PFKP: variants seen among roughly 807,000 people sequenced by gnomAD.
PFKP encodes phosphofructokinase, platelet, also known as ATP-dependent 6-phosphofructokinase, platelet type.
Under a neutral mutation model 94.3 loss-of-function variants are expected in PFKP, and 101 were observed. That is an observed-to-expected ratio of 1.07 (90% CI 0.91 to 1.26). PFKP has a LOEUF of 1.26. PFKP is among the 50% of genes most tolerant of loss of function. PFKP has a pLI of 0.00. For synonymous variants in PFKP, 573 were observed against 432.6 expected (o/e 1.32, Z -4.03); for missense variants, 1,145 against 1,103.3 (o/e 1.04, Z -0.53).
At chr10:3,072,279 T>G (rs993880145) in intron 1 of PFKP, among the ~76,000 whole-genome samples, 3 of 152,256 alleles carry the variant, frequency 2.0e-5, no homozygotes, top group African/African-American at 4.8e-5. Context: ...TTCCATTGGC[T>G]GGACGTGCAT....
chr10:3,110,911 T>C (rs1383224918), intron 10 of PFKP, among the ~76,000 whole-genome samples: 1 of 151,848 alleles, frequency 6.6e-6, no homozygotes, highest in Non-Finnish European at 1.5e-5. Context: ...TGTGCATGCA[T>C]GTTTGTACGT....
chr10:3,136,313 T>C, intron 21 of PFKP, 137 bp from the exon 22 acceptor site: 3 of 742,594 alleles, frequency 4.0e-6, no homozygotes, highest in East Asian at 5.4e-5. Flanking sequence ...ATCCTGAAAT[T>C]GGCTTTATCA....
At chr10:3,071,851 G>A (rs1219809437) in intron 1 of PFKP, among the ~76,000 whole-genome samples, 3 of 152,220 alleles carry the variant, frequency 2.0e-5, no homozygotes, top group Non-Finnish European at 4.4e-5. Flanking sequence ...TCTTTGTTAT[G>A]TGGCAGGGCC....
At position 3,113,163 on chromosome 10, in the gene PFKP, A is replaced by T. The variant is rs758254884; in HGVS notation, c.1199A>T (p.Lys400Met). 7 of 1,612,942 alleles carry T rather than the reference A, an allele frequency of 4.3e-6. No homozygotes were observed. Among genetic ancestry groups the T allele is most frequent in the Non-Finnish European group, 5.9e-6 (7 of 1,179,568 alleles). The change falls in exon 12 of 22, where the codon AAG becomes ATG. Residue 400 changes from lysine (K) to methionine (M), a missense_variant. Around this residue, in one of 3 missense-constraint regions of PFKP, gnomAD observed 1,119 missense variants for 1,062.8 expected, o/e 1.05. Transcript: ENST00000381125. ...NLNTYKRLAI[K>M]LPDDQIPKTN... ...AACACCTACAAGCGACTTGCCATCA[A>T]GCTGCCGGATGATCAGATCCCAAAG...
chr10:3,088,497 C>A (rs1833802686), intron 2 of PFKP, among the ~76,000 whole-genome samples: 2 of 152,148 alleles, frequency 1.3e-5, no homozygotes, highest in African/African-American at 4.8e-5. Flanking sequence ...CCCCGGCTGA[C>A]CTGGAGCGCG....
chr10:3,105,122 A>AG lies in PFKP; in HGVS notation c.630dup (p.Thr211AspfsTer63). 6.2e-7 allele frequency: 1 copy of AG among 1,613,648 alleles called. No homozygotes were observed. Among genetic ancestry groups the AG allele is most frequent in the Non-Finnish European group, 8.5e-7 (1 of 1,179,896 alleles). On this transcript the variant is annotated frameshift_variant, in exon 6 of 22. Transcript: ENST00000381125. LOFTEE classifies it high-confidence loss of function. ...CCTCTGTTTCTCTTCCAGCCACCAG[A>AG]GGACCTTCGTTCTGGAGGTGATGGG...
chr10:3,115,374 G>A (rs373413473), intron 13 of PFKP, among the ~76,000 whole-genome samples: 17,097 of 64,216 alleles, frequency 0.27, 4,516 homozygotes, highest in East Asian at 0.58. Flanking sequence ...TGTGTGTCCC[G>A]CAGCTGAGAA....
intron 16 of PFKP, chr10:3,129,514 G>GGGTC: frequency 2.6e-6 from 1 of 378,838 alleles, no homozygotes; most frequent in Non-Finnish European, 4.8e-6. Flanking sequence ...CTGGCTTGTG[G>GGGTC]GGTCGTCTTT....
chr10:3,094,762 C>A (rs1358737683), intron 2 of PFKP, among the ~76,000 whole-genome samples: 1 of 152,172 alleles, frequency 6.6e-6, no homozygotes, highest in Admixed American at 6.5e-5. Flanking sequence ...CAGAGCTGAC[C>A]TCTGCATGCA....
intron 2 of PFKP, among the ~76,000 whole-genome samples, chr10:3,096,826 C>G (rs1157354967): frequency 6.8e-6 from 1 of 147,642 alleles, no homozygotes; most frequent in Non-Finnish European, 1.5e-5. Flanking sequence ...TGCCTGTAAT[C>G]CCAGCACTTT....
chr10:3,133,735 C>A (rs1239770891), intron 19 of PFKP, among the ~76,000 whole-genome samples: 1 of 152,218 alleles, frequency 6.6e-6, no homozygotes, highest in East Asian at 1.9e-4. Flanking sequence ...CCAGCCAAAA[C>A]ATCTGAACTT....
chr10:3,105,062 CTG>C, intron 5 of PFKP, 51 bp from the exon 6 acceptor site: 1 of 1,562,456 alleles, frequency 6.4e-7, no homozygotes, highest in Non-Finnish European at 8.8e-7. Flanking sequence ...GGTGCTCCCT[CTG>C]TTTCTCTGCT....
At position 3,116,793 on chromosome 10, in the gene PFKP, G is replaced by A; in HGVS notation, c.1389G>A (p.Trp463Ter). The A allele has an allele frequency of 6.2e-7, 1 of 1,613,816 alleles. No individual in the cohort carries two copies. Among genetic ancestry groups the A allele is most frequent in the Non-Finnish European group, 8.5e-7 (1 of 1,179,676 alleles). ...CACATTAGATCAAAGAAATCGGCTG[G>A]ACAGATGTCGGGGGCTGGACCGGCC... is the stretch of plus-strand genomic sequence containing the variant. ...FAKGQIKEIG[W>*]TDVGGWTGQG... Residue 463 changes from tryptophan to a stop codon, truncating the protein, a stop_gained, in exon 14 of 22, where the codon TGG becomes TGA. Transcript: ENST00000381125. LOFTEE classifies it high-confidence loss of function.
chr10:3,129,063 G>A (rs1838265804), intron 16 of PFKP: 1 of 152,266 alleles, frequency 6.6e-6, no homozygotes, highest in African/African-American at 2.4e-5. Context: ...TGAACGGATT[G>A]GAGGGTCCCG....
rs536052613 is a variant in PFKP, at chr10:3,129,493, C to T, written c.1684-326C>T. 9.1e-5 allele frequency: 29 copies of T among 317,772 alleles called. 1 individual carries two copies. The South Asian group carries it at 1.1e-3, about 13-fold the overall frequency. 19.7% of individuals were successfully genotyped at this position (317,772 alleles called of 1,614,324 possible). A position where few individuals can be genotyped will look rare whatever the true frequency, so the allele number is the denominator to read the frequency against. ...TTCAGCAGGGACAGTCACAGAGCAGCGTGGAGTGAGCTGGCTTGTGGGGTC... is the reference window on the plus strand; with the variant it reads ...TTCAGCAGGGACAGTCACAGAGCAGTGTGGAGTGAGCTGGCTTGTGGGGTC... On this transcript the variant is annotated intron_variant, in intron 16 of 21. Transcript: ENST00000381125.
chr10:3,107,285 C>A lies in PFKP; in HGVS notation c.846C>A (p.Pro282=). Residue 282 remains proline (P), a synonymous_variant, in exon 8 of 22, where the codon CCC becomes CCA. Coordinates refer to ENST00000381125, the MANE Select transcript of PFKP (RefSeq NM_002627.5). ...GAGCAATTGATACCCAAAATAAACC[C>A]ATCACCTCTGAGAAAATCAAAGAGG... ...AEGAIDTQNK[P]ITSEKIKELV... 1 of 1,609,322 alleles carries A rather than the reference C, an allele frequency of 6.2e-7. No homozygotes were observed. Among genetic ancestry groups the A allele is most frequent in the South Asian group, 1.1e-5 (1 of 90,962 alleles).
rs553636634 is a variant in PFKP at position 3,133,708 on chromosome 10, G to A, written c.2022+394G>A. 1.8e-3 allele frequency among the ~76,000 whole-genome samples: 273 copies of A among 151,600 alleles called. 1 individual carries two copies. Among genetic ancestry groups the A allele is most frequent in the Non-Finnish European group, 2.9e-3 (197 of 67,948 alleles). Reference sequence around the variant, plus strand: ...AGCCTCCCAAAGTGGTGGGAATACAGGCCTGAGCCACTGTGCCCAGCCAAA... The same window carrying A: ...AGCCTCCCAAAGTGGTGGGAATACAAGCCTGAGCCACTGTGCCCAGCCAAA... On this transcript the variant is annotated intron_variant, in intron 19 of 21. Coordinates refer to ENST00000381125, the MANE Select transcript of PFKP (RefSeq NM_002627.5).
chr10:3,107,915 T>G (rs1835796811), intron 8 of PFKP: 1 of 1,289,456 alleles, frequency 7.8e-7, no homozygotes, highest in South Asian at 1.2e-5. Context: ...CTGCCGGGGC[T>G]GGGGATGGGC....
intron 19 of PFKP, among the ~76,000 whole-genome samples, chr10:3,134,085 T>G (rs907942448): frequency 1.3e-5 from 2 of 152,178 alleles, no homozygotes; most frequent in African/African-American, 2.4e-5. Context: ...TCTTATACTT[T>G]TAAGCCAGAG....
Sources: gnomAD v4.1 joint callset for allele counts (sites outside exome capture counted in the v4.1 genomes callset) on GRCh38, gnomAD v4.1.1 for gene constraint, gnomAD v4.1.1 regional missense constraint, MANE v1.5 for transcripts, NCBI Gene and HGNC (gene_info 2026-07-23, HGNC 2026-07-21) for gene names.